The following CABLES1 variants were observed in gnomAD, a reference collection of about 807,000 sequenced individuals.
The protein encoded by CABLES1 is Cdk5 and Abl enzyme substrate 1.
CABLES1 carries 36 observed loss-of-function variants against 57.8 expected under a neutral mutation model. That is an observed-to-expected ratio of 0.62 (90% CI 0.48 to 0.82). The LOEUF (loss-of-function observed/expected upper bound fraction) is 0.82, where lower values mean the gene tolerates loss of function less well. Ranked by LOEUF, CABLES1 falls within the 40% of genes least tolerant of loss-of-function variation. The pLI is 0.00. For missense variants in CABLES1, 767 were observed against 836.6 expected (o/e 0.92, Z 1.03); for synonymous variants, 374 against 363.0 (o/e 1.03, Z -0.35).
chr18:23,158,547 T>C (rs1272828798), intron 1 of CABLES1, among the ~76,000 whole-genome samples: 1 of 152,210 alleles, frequency 6.6e-6, no homozygotes, highest in Non-Finnish European at 1.5e-5. Context: ...TAAGGGATTT[T>C]GTAATTTTCC....
At chr18:23,194,585 G>T (rs762169215) in intron 3 of CABLES1, 45 bp downstream of exon 3, 1 of 1,287,574 alleles carries the variant, frequency 7.8e-7, no homozygotes, top group South Asian at 1.2e-5. Flanking sequence ...AGTGGGTGGA[G>T]ACAGGGACTG....
chr18:23,172,298 C>G (rs1323265166), intron 1 of CABLES1, among the ~76,000 whole-genome samples: 1 of 152,184 alleles, frequency 6.6e-6, no homozygotes, highest in Non-Finnish European at 1.5e-5. Context: ...CTCTGCTAAC[C>G]CATCCTCCAT....
intron 4 of CABLES1, among the ~76,000 whole-genome samples, chr18:23,228,066 T>C (rs939648525): frequency 4.6e-5 from 7 of 152,320 alleles, no homozygotes; most frequent in African/African-American, 1.7e-4. Context: ...TCACACTTTT[T>C]CCATCTAGTT....
rs28396894 is a variant in CABLES1, at chr18:23,175,240, A to G, written c.846-13598A>G. Among the ~76,000 whole-genome samples, 878 of 152,302 alleles carry G rather than the reference A, an allele frequency of 5.8e-3. 6 individuals are homozygous for G. Among genetic ancestry groups the G allele is most frequent in the African/African-American group, 0.02 (833 of 41,554 alleles). ...CTAACAGTGATTGAGATATAAGTCA[A>G]TATTATACTCTCAAGTTTATAAAAT... On this transcript the variant is annotated intron_variant, in intron 1 of 9. Coordinates refer to ENST00000256925, the MANE Select transcript of CABLES1 (RefSeq NM_001100619.3).
chr18:23,233,571 G>C (rs1441634874), intron 4 of CABLES1, among the ~76,000 whole-genome samples: 1 of 152,222 alleles, frequency 6.6e-6, no homozygotes, highest in Non-Finnish European at 1.5e-5. Context: ...TGTTTGGCCA[G>C]GCATGGTAGC....
In CABLES1 at chr18:23,146,171, A is replaced by G. The variant is rs116275210; in HGVS notation, c.845+9564A>G. Among the ~76,000 whole-genome samples the G allele has an allele frequency of 8.1e-3, 1,227 of 152,380 alleles. 14 individuals carry two copies. The highest frequency in any genetic ancestry group is 0.028 in the African/African-American group (1,155 of 41,592). On this transcript the variant is annotated intron_variant, in intron 1 of 9. Transcript: ENST00000256925. ...CAAAATGTCTACTTCGATAGTTTTA[A>G]GAAGGGCTGGGTGGCGGGGTAGAGG...
chr18:23,219,229 C>G, intron 4 of CABLES1: 1 of 454,148 alleles, frequency 2.2e-6, no homozygotes, highest in Non-Finnish European at 4.4e-6. Context: ...GGAGCCTACT[C>G]TCCGTGCCAT....
chr18:23,138,114 A>T (rs1186728860), intron 1 of CABLES1, among the ~76,000 whole-genome samples: 1 of 152,208 alleles, frequency 6.6e-6, no homozygotes, highest in Non-Finnish European at 1.5e-5. Context: ...CAGGAATTGT[A>T]ATAAACATAC....
intron 3 of CABLES1, among the ~76,000 whole-genome samples, chr18:23,199,847 A>G (rs1470886936): frequency 6.6e-6 from 1 of 152,234 alleles, no homozygotes; most frequent in South Asian, 2.1e-4. Context: ...ATATATGTGT[A>G]TATATTTTTT....
intron 3 of CABLES1, among the ~76,000 whole-genome samples, chr18:23,200,361 A>C (rs534204580): frequency 6.6e-6 from 1 of 151,724 alleles, no homozygotes; most frequent in Admixed American, 6.6e-5. Flanking sequence ...CTAGGTTCAC[A>C]CCATTCTCCT....
Position 23,162,603 on chromosome 18 carries a change from G to A in CABLES1, c.845+25996G>A, listed in dbSNP as rs114015335. On this transcript the variant is annotated intron_variant, in intron 1 of 9. Coordinates refer to ENST00000256925, the MANE Select transcript of CABLES1 (RefSeq NM_001100619.3). ...TATGGGTAAAGTTGGGTTAAGTGCC[G>A]TGGAAGAAAAGAACGTGTATTTCAA... Among the ~76,000 whole-genome samples the A allele has an allele frequency of 3.4e-3, 518 of 152,290 alleles. 5 individuals carry two copies. The highest frequency in any genetic ancestry group is 0.012 in the African/African-American group (481 of 41,572).
chr18:23,186,176 G>T (rs548213353), intron 1 of CABLES1, among the ~76,000 whole-genome samples: 1 of 152,208 alleles, frequency 6.6e-6, no homozygotes, highest in Non-Finnish European at 1.5e-5. Flanking sequence ...GGCCTTGAGT[G>T]GGGGCCAGAG....
At chr18:23,202,926 G>A (rs1053303789) in intron 3 of CABLES1, among the ~76,000 whole-genome samples, 1 of 150,616 alleles carries the variant, frequency 6.6e-6, no homozygotes, top group South Asian at 2.1e-4. Context: ...GGCGGAGCTT[G>A]CAGTGAGCCG....
intron 1 of CABLES1, among the ~76,000 whole-genome samples, chr18:23,167,862 C>T (rs960733081): frequency 3.9e-5 from 6 of 152,168 alleles, no homozygotes; most frequent in Non-Finnish European, 8.8e-5. Flanking sequence ...GGGAGGGGCC[C>T]TAGATTGGCA....
intron 1 of CABLES1, among the ~76,000 whole-genome samples, chr18:23,163,996 A>C (rs950169998): frequency 1.3e-5 from 2 of 152,176 alleles, no homozygotes; most frequent in African/African-American, 2.4e-5. Flanking sequence ...TATCGAGCTT[A>C]TCAAAAATCC....
chr18:23,206,087 G>C (rs1251302817), intron 3 of CABLES1, among the ~76,000 whole-genome samples: 1 of 152,184 alleles, frequency 6.6e-6, no homozygotes, highest in Admixed American at 6.5e-5. Flanking sequence ...AAGCCACCCA[G>C]TTTGTGGTGC....
intron 4 of CABLES1, among the ~76,000 whole-genome samples, chr18:23,231,019 C>T (rs1031705637): frequency 1.4e-5 from 2 of 139,026 alleles, no homozygotes; most frequent in Non-Finnish European, 3.0e-5. Flanking sequence ...TGATCATGGA[C>T]CCCATGGTCA....
At chr18:23,189,247 C>T (rs1056694651) in intron 2 of CABLES1, 1 of 219,874 alleles carries the variant, frequency 4.5e-6, no homozygotes, top group Admixed American at 5.2e-5. Flanking sequence ...ACAGTAGGTA[C>T]AGTCCTGGAC....
chr18:23,248,538 T>TAA (rs1555671607), intron 7 of CABLES1, among the ~76,000 whole-genome samples: 1 of 93,602 alleles, frequency 1.1e-5, no homozygotes, highest in East Asian at 4.1e-4. Flanking sequence ...TTTTTTTTTT[T>TAA]AAAAAAAGGC....
Sources: gnomAD v4.1 joint callset for allele counts (sites outside exome capture counted in the v4.1 genomes callset) on GRCh38, gnomAD v4.1.1 for gene constraint, MANE v1.5 for transcripts, NCBI Gene and HGNC (gene_info 2026-07-23, HGNC 2026-07-21) for gene names.